The following GSE1 variants were observed in gnomAD, a reference collection of about 807,000 sequenced individuals.
GSE1 encodes the protein Gse1 coiled-coil protein, also known as genetic suppressor element 1.
Under a neutral mutation model 112.6 loss-of-function variants are expected in GSE1, and 32 were observed. The observed-to-expected ratio is 0.28, with a 90% CI of 0.21 to 0.38. The LOEUF is 0.38. GSE1 is among the 10% of genes least tolerant of loss of function. The probability of loss-of-function intolerance (pLI) is 1.00; values close to 1 mark genes in which losing one functional copy is unlikely to be tolerated. For missense variants in GSE1, 2,348 were observed against 1,699.2 expected (o/e 1.38, Z -6.71); for synonymous variants, 1,115 against 735.6 (o/e 1.52, Z -8.35).
In GSE1 at chr16:85,372,518, T is replaced by C. The variant is rs567519856; in HGVS notation, c.2464+14875T>C. On this transcript the variant is annotated intron_variant, in intron 2 of 2. Transcript: ENST00000637419. ...AAAAAAAAAAAAAAAAAGAACACAC[T>C]ACCCTATGGCAAGCACACATTAGCA... Among the ~76,000 whole-genome samples the C allele has an allele frequency of 5.6e-5, 8 of 141,806 alleles. No homozygotes were observed. The East Asian group carries it at 1.5e-3, about 27-fold the overall frequency. The allele number at this position is 141,806 out of a possible 152,430, so 93.0% of individuals were successfully genotyped here. A position where few individuals can be genotyped will look rare whatever the true frequency, so the allele number is the denominator to read the frequency against.
At chr16:85,370,481 C>T (rs1055996819) in intron 2 of GSE1, among the ~76,000 whole-genome samples, 2 of 152,202 alleles carry the variant, frequency 1.3e-5, no homozygotes, top group Non-Finnish European at 2.9e-5. Context: ...AGGGAGGAGG[C>T]GCACTACTTG....
At chr16:85,310,040 G>A (rs914396268) in intron 1 of GSE1, among the ~76,000 whole-genome samples, 2 of 152,244 alleles carry the variant, frequency 1.3e-5, no homozygotes, top group East Asian at 1.9e-4. Context: ...CCTGTCAGTC[G>A]GCCCGAGCCC....
intron 1 of GSE1, 88 bp from the exon 2 acceptor site, chr16:85,633,826 G>GCTGCTGACACCGGCC (rs1428512012): frequency 1.0e-6 from 1 of 999,128 alleles, no homozygotes; most frequent in Non-Finnish European, 1.5e-6. Context: ...CCTGCCTGCT[G>GCTGCTGACACCGGCC]CTGCTGACAC....
intron 5 of GSE1, 92 bp downstream of exon 5, chr16:85,655,083 G>C (rs780631510): frequency 6.8e-5 from 57 of 842,784 alleles, no homozygotes; most frequent in Non-Finnish European, 1.0e-4. Flanking sequence ...TATGACCTGA[G>C]AGCCAGGCTC....
chr16:85,627,068 T>TTTTTTTTTTTTTTTTTTTTTTTTC, intron 1 of GSE1, among the ~76,000 whole-genome samples: 2 of 110,760 alleles, frequency 1.8e-5, no homozygotes, highest in Non-Finnish European at 3.6e-5. Context: ...TTTTTTTTTT[T>TTTTTTTTTTTTTTTTTTTTTTTTC]TTTTTTTTAA....
chr16:85,419,081 C>T lies in GSE1; in HGVS notation c.2464+61438C>T, dbSNP rs542464995. On this transcript the variant is annotated intron_variant, in intron 2 of 2. Coordinates refer to the GSE1 transcript ENST00000637419. The surrounding 1 kb of genome is among the most constrained non-coding windows in gnomAD (Gnocchi z 6.5). ...TTGAGTCTGGAGCTATGAATGTGGG[C>T]GTCCCAGCGCACAGATGGCGTGTAA... Among the ~76,000 whole-genome samples the T allele has an allele frequency of 4.2e-4, 64 of 152,184 alleles. No individual in the cohort carries two copies. The highest frequency in any genetic ancestry group is 1.9e-3 in the East Asian group (10 of 5,164).
chr16:85,191,294 G>GTA (rs1004221556), intron 1 of GSE1, among the ~76,000 whole-genome samples: 7 of 152,124 alleles, frequency 4.6e-5, no homozygotes, highest in Admixed American at 1.3e-4. Context: ...AACAACAAAT[G>GTA]TATATATATA....
intron 2 of GSE1, among the ~76,000 whole-genome samples, chr16:85,359,793 GCTGCTTCC>G (rs1190688047): frequency 6.6e-6 from 1 of 152,160 alleles, no homozygotes; most frequent in African/African-American, 2.4e-5. Flanking sequence ...GGCACACCAG[GCTGCTTCC>G]CTGAGTGCTG....
chr16:85,509,757 C>T (rs1378913011), intron 2 of GSE1, among the ~76,000 whole-genome samples: 4 of 152,220 alleles, frequency 2.6e-5, no homozygotes, highest in African/African-American at 9.6e-5. Flanking sequence ...GACTGTGTGC[C>T]ATGAGCCACA....
At chr16:85,247,711 T>A (rs1376983493) in intron 1 of GSE1, among the ~76,000 whole-genome samples, 1 of 152,184 alleles carries the variant, frequency 6.6e-6, no homozygotes, top group Non-Finnish European at 1.5e-5. Flanking sequence ...CTGCCTCTCA[T>A]CTTTCACTTC....
At chr16:85,633,042 GC>G (rs2049680223) in intron 1 of GSE1, among the ~76,000 whole-genome samples, 1 of 150,184 alleles carries the variant, frequency 6.7e-6, no homozygotes, top group Admixed American at 6.6e-5. Context: ...GTCACCACTG[GC>G]CGGGAGGGCC....
chr16:85,246,848 C>T (rs1248275737), intron 1 of GSE1, among the ~76,000 whole-genome samples: 2 of 152,114 alleles, frequency 1.3e-5, no homozygotes, highest in Non-Finnish European at 2.9e-5. Flanking sequence ...GGAAATCAGC[C>T]CCTTTGTCAC....
At chr16:85,495,961 C>A (rs931215973) in intron 2 of GSE1, among the ~76,000 whole-genome samples, 1 of 152,194 alleles carries the variant, frequency 6.6e-6, no homozygotes, top group Non-Finnish European at 1.5e-5. Flanking sequence ...GAGCATCCCT[C>A]GGTCTCAGAC....
At chr16:85,535,205 C>T (rs1156573940) in intron 2 of GSE1, among the ~76,000 whole-genome samples, 1 of 152,204 alleles carries the variant, frequency 6.6e-6, no homozygotes, top group Non-Finnish European at 1.5e-5. Flanking sequence ...CCTGTGTGCT[C>T]CCGGCTGACT....
chr16:85,184,083 C>T (rs1038159583), intron 1 of GSE1, among the ~76,000 whole-genome samples: 17 of 152,200 alleles, frequency 1.1e-4, no homozygotes, highest in African/African-American at 2.9e-4. Flanking sequence ...AGAAGCAAGG[C>T]GTCACCTGTG....
intron 1 of GSE1, among the ~76,000 whole-genome samples, chr16:85,339,883 G>A (rs987879095): frequency 1.3e-5 from 2 of 152,160 alleles, no homozygotes; most frequent in Non-Finnish European, 2.9e-5. Flanking sequence ...ACAGAAGCCG[G>A]ATCTTTCCCT....
At chr16:85,665,186 G>C in intron 12 of GSE1, 58 bp downstream of exon 12, 1 of 1,000,476 alleles carries the variant, frequency 1.0e-6, no homozygotes, top group African/African-American at 1.6e-5. Flanking sequence ...GGCTGCCCAG[G>C]CTCAGAGGCG....
chr16:85,328,503 C>T (rs2046272891), intron 1 of GSE1, among the ~76,000 whole-genome samples: 1 of 152,242 alleles, frequency 6.6e-6, no homozygotes, highest in Non-Finnish European at 1.5e-5. Context: ...TTCAAGCTCT[C>T]AGCCGACTGG....
intron 2 of GSE1, among the ~76,000 whole-genome samples, chr16:85,638,550 A>C (rs1269480976): frequency 6.6e-6 from 1 of 152,276 alleles, no homozygotes; most frequent in East Asian, 1.9e-4. Flanking sequence ...GGTGAGGAGC[A>C]GGTCTCTACC....
Sources: gnomAD v4.1 joint callset for allele counts (sites outside exome capture counted in the v4.1 genomes callset) on GRCh38, gnomAD v4.1.1 for gene constraint, Gnocchi (gnomAD v3.1) non-coding constraint, MANE v1.5 for transcripts, NCBI Gene and HGNC (gene_info 2026-07-23, HGNC 2026-07-21) for gene names.